Variants in NINL observed in about 807,000 individuals in gnomAD.
NINL encodes ninein like.
Under a neutral mutation model 160.3 loss-of-function variants are expected in NINL, and 153 were observed. The ratio of observed to expected loss-of-function variants is 0.95; its 90% CI spans 0.84 to 1.09. The LOEUF (loss-of-function observed/expected upper bound fraction) is 1.09, where lower values mean the gene tolerates loss of function less well. Ranked by LOEUF, NINL falls within the 50% of genes least tolerant of loss-of-function variation. NINL has a pLI of 0.00. For missense variants in NINL, 1,829 were observed against 1,764.0 expected (o/e 1.04, Z -0.66); for synonymous variants, 800 against 734.8 (o/e 1.09, Z -1.43).
At chr20:25,562,069 C>G (rs1178699833) in intron 1 of NINL, among the ~76,000 whole-genome samples, 69 of 109,230 alleles carry the variant, frequency 6.3e-4, no homozygotes, top group African/African-American at 1.4e-3. Context: ...GTCCGGGAGG[C>G]AGGTGGGGGG....
intron 19 of NINL, among the ~76,000 whole-genome samples, chr20:25,464,681 A>G (rs2062869945): frequency 6.6e-6 from 1 of 152,138 alleles, no homozygotes; most frequent in East Asian, 1.9e-4. Context: ...GCTTCAGGAC[A>G]GTGGCCTTGA....
In NINL at chr20:25,457,950, C is replaced by T. The variant is rs149604175; in HGVS notation, c.3843+433G>A. 1.7e-3 allele frequency among the ~76,000 whole-genome samples: 254 copies of T among 152,274 alleles called. 3 individuals are homozygous for T. The highest frequency in any genetic ancestry group is 5.7e-3 in the African/African-American group (238 of 41,554). ...GTTCACTCAGCTGGGAGGTAGTGGG[C>T]GGGATCCCACCCTCCACAGTCTGTG... On this transcript the variant is annotated intron_variant, in intron 22 of 23. Coordinates refer to ENST00000278886, the MANE Select transcript of NINL (RefSeq NM_025176.6).
At position 25,453,500 on chromosome 20, in the gene NINL, G is replaced by A. The variant is rs1285414568; in HGVS notation, c.4100C>T (p.Ala1367Val). 6.2e-7 allele frequency: 1 copy of A among 1,614,086 alleles called. No homozygotes were observed. The highest frequency in any genetic ancestry group is 8.5e-7 in the Non-Finnish European group (1 of 1,179,970). The change falls in exon 24 of 24, where the codon GCT becomes GTT. Residue 1367 changes from alanine (A) to valine (V), a missense_variant. By Grantham distance (64) the Ala-to-Val change is moderately conservative. Coordinates refer to ENST00000278886, the MANE Select transcript of NINL (RefSeq NM_025176.6). ...QSRLLEEKVRALNKLVSRIAP... is the reference protein window; with the variant it reads ...QSRLLEEKVRVLNKLVSRIAP... ...AATCCTACTGACGAGTTTGTTGAGA[G>A]CGCGAACTTTTTCTTCCAAGAGGCG...
At position 25,476,867 on chromosome 20, in the gene NINL, C is replaced by T; in HGVS notation, c.2424G>A (p.Glu808=). 3 of 1,613,194 alleles carry T rather than the reference C, an allele frequency of 1.9e-6. No individual in the cohort carries two copies. Among genetic ancestry groups the T allele is most frequent in the Non-Finnish European group, 2.5e-6 (3 of 1,179,846 alleles). ...CTCGCTTCCCGCGGGCAAGCTCCAA[C>T]TCCTCCTCCTCGAGGGCCAACGATA... The part of the protein sequence containing the change: ...MCVSLALEEE[E]LELARGKRVD... Residue 808 remains glutamate (E), a synonymous_variant, in exon 17 of 24, where the codon GAG becomes GAA. Transcript: ENST00000278886.
chr20:25,500,957 CAGGGACACGAGGGATG>C lies in NINL; in HGVS notation c.899_914del (p.Ser300CysfsTer50). Reference sequence around the variant, plus strand: ...TGGAGAAGAGGCGCAGGCTGGAGCACAGGGACACGAGGGATGAGGTTGTGGTGGTGTGGCAGCCGCT... The same window carrying C: ...TGGAGAAGAGGCGCAGGCTGGAGCACAGGTTGTGGTGGTGTGGCAGCCGCT... On this transcript the variant is annotated frameshift_variant, in exon 8 of 24. Transcript: ENST00000278886. LOFTEE classifies it high-confidence loss of function. 6.2e-7 allele frequency: 1 copy of C among 1,614,192 alleles called. No homozygotes were observed. The highest frequency in any genetic ancestry group is 8.5e-7 in the Non-Finnish European group (1 of 1,180,036).
chr20:25,557,240 T>C (rs1226922167), intron 1 of NINL, among the ~76,000 whole-genome samples: 1 of 152,022 alleles, frequency 6.6e-6, no homozygotes, highest in African/African-American at 2.4e-5. Flanking sequence ...CTTCAAGAGG[T>C]ACAGTATTGG....
intron 5 of NINL, among the ~76,000 whole-genome samples, chr20:25,507,050 C>T (rs1250609370): frequency 6.6e-6 from 1 of 152,212 alleles, no homozygotes; most frequent in African/African-American, 2.4e-5. Flanking sequence ...ATTCCTCTCA[C>T]ATCTTTCAAC....
chr20:25,519,795 T>C (rs975623726), intron 2 of NINL, among the ~76,000 whole-genome samples: 1 of 151,786 alleles, frequency 6.6e-6, no homozygotes, highest in Admixed American at 6.6e-5. Flanking sequence ...GGCAGGGTGA[T>C]TGCTTGAGCT....
intron 8 of NINL, chr20:25,498,975 C>T (rs1172063187): frequency 2.0e-6 from 2 of 985,368 alleles, no homozygotes; most frequent in African/African-American, 3.5e-5. Flanking sequence ...AAGGGAGCGG[C>T]AGCTAACGTT....
intron 3 of NINL, among the ~76,000 whole-genome samples, chr20:25,516,781 C>T (rs1259835210): frequency 6.6e-6 from 1 of 152,158 alleles, no homozygotes; most frequent in East Asian, 1.9e-4. Context: ...GGGCTCCTTA[C>T]CAGCACCTCT....
chr20:25,499,107 C>A, intron 8 of NINL: 6 of 985,428 alleles, frequency 6.1e-6, no homozygotes, highest in Non-Finnish European at 7.2e-6. Context: ...GGTGCCAGGA[C>A]GTGCCTGGCC....
At chr20:25,455,632 A>C in intron 23 of NINL, 41 bp downstream of exon 23, 1 of 1,435,180 alleles carries the variant, frequency 7.0e-7, no homozygotes, top group South Asian at 1.1e-5. Flanking sequence ...GAGCGTTCAG[A>C]AGAGGACGTG....
rs1323316457 is a variant in NINL at position 25,489,309 on chromosome 20, C to T, written c.1612G>A (p.Ala538Thr). ...CGCTCCTCCTGGGCCAGGAGCTCTG[C>T]ACTCTGTGGCTCCAGCTGAAAGGCA... is the stretch of plus-strand genomic sequence containing the variant. Reference protein sequence around the residue: ...VLKDKLEPQSAELLAQEERFA... With the variant: ...VLKDKLEPQSTELLAQEERFA... The change falls in exon 13 of 24, where the codon GCA (alanine) becomes ACA (threonine). Residue 538 changes from alanine to threonine, a missense_variant. By Grantham distance (58) the Ala-to-Thr change is moderately conservative (BLOSUM62 0). Transcript: ENST00000278886. 1.2e-6 allele frequency: 2 copies of T among 1,613,910 alleles called. No homozygotes were observed. Among genetic ancestry groups the T allele is most frequent in the African/African-American group, 1.3e-5 (1 of 75,030 alleles).
intron 5 of NINL, among the ~76,000 whole-genome samples, chr20:25,505,421 G>A (rs556307417): frequency 6.6e-5 from 10 of 152,134 alleles, no homozygotes; most frequent in East Asian, 1.9e-4. Context: ...AATAAGATCC[G>A]ATTGCTTCCT....
intron 18 of NINL, among the ~76,000 whole-genome samples, chr20:25,469,500 G>T (rs547055634): frequency 6.6e-6 from 1 of 151,284 alleles, no homozygotes; most frequent in Non-Finnish European, 1.5e-5. Flanking sequence ...CAGTGCTCAG[G>T]TTCCTGACCC....
At chr20:25,554,548 G>A (rs2064842185) in intron 1 of NINL, among the ~76,000 whole-genome samples, 1 of 148,798 alleles carries the variant, frequency 6.7e-6, no homozygotes, top group Admixed American at 6.8e-5. Flanking sequence ...ACTTTGGGAG[G>A]CCGGGGTGGG....
chr20:25,558,996 C>T (rs953906318), intron 1 of NINL, among the ~76,000 whole-genome samples: 4 of 152,244 alleles, frequency 2.6e-5, no homozygotes, highest in Non-Finnish European at 4.4e-5. Flanking sequence ...TTATGATATT[C>T]TCCAGCGTTT....
intron 17 of NINL, 69 bp from the exon 18 acceptor site, chr20:25,470,164 G>A: frequency 8.1e-7 from 1 of 1,238,600 alleles, no homozygotes. Flanking sequence ...GGCTGGCTCT[G>A]CAGCGGGGAG....
intron 19 of NINL, among the ~76,000 whole-genome samples, chr20:25,465,400 C>A (rs1441690668): frequency 1.3e-5 from 2 of 152,286 alleles, no homozygotes; most frequent in East Asian, 1.9e-4. Context: ...AGAGAAGCCT[C>A]CCCCGCGGCT....
Sources: gnomAD v4.1 joint callset for allele counts (sites outside exome capture counted in the v4.1 genomes callset) on GRCh38, gnomAD v4.1.1 for gene constraint, MANE v1.5 for transcripts, NCBI Gene and HGNC (gene_info 2026-07-23, HGNC 2026-07-21) for gene names.